ZBTB16: variants seen among roughly 807,000 people sequenced by gnomAD.
The protein encoded by ZBTB16 is zinc finger and BTB domain-containing protein 16.
In ZBTB16, 8 loss-of-function variants were observed where a neutral mutation model predicts 56.8. The ratio of observed to expected loss-of-function variants is 0.14; its 90% CI spans 0.08 to 0.25. The LOEUF (loss-of-function observed/expected upper bound fraction) is 0.25. Ranked by LOEUF, ZBTB16 falls within the 10% of genes least tolerant of loss-of-function variation. ZBTB16 has a pLI of 1.00. For missense variants in ZBTB16, 625 were observed against 903.0 expected, an observed-to-expected ratio of 0.69 and a Z score of 3.95; for synonymous variants, 363 against 368.5, an observed-to-expected ratio of 0.98 and a Z score of 0.17.
At position 114,063,014 on chromosome 11, in the gene ZBTB16, TC is replaced by T. The variant is rs2137650083; in HGVS notation, c.-90-194del. ...CAGAACCTTCTTTTTACTCTCAGCA[TC>T]CCTGGCTTGAAAGGCAGATTTGTAG... On this transcript the variant is annotated intron_variant, in intron 1 of 6. Coordinates refer to ENST00000335953, the MANE Select transcript of ZBTB16 (RefSeq NM_006006.6). This position sits in a 1 kb window ranked among gnomAD's most constrained non-coding sequence, Gnocchi z 6.5. Among the ~76,000 whole-genome samples, 1 of 152,300 alleles carries T rather than the reference TC, an allele frequency of 6.6e-6. No individual in the cohort carries two copies. Among genetic ancestry groups the T allele is most frequent in the Admixed American group, 6.5e-5 (1 of 15,286 alleles).
chr11:114,198,211 T>C (rs991989697), intron 4 of ZBTB16, among the ~76,000 whole-genome samples: 1 of 152,196 alleles, frequency 6.6e-6, no homozygotes, highest in Non-Finnish European at 1.5e-5. Context: ...CATTTCACAT[T>C]CTGTGCCAAG....
rs1342576221 is a variant in ZBTB16, at chr11:114,168,471, A to ATAT, written c.1366+12037_1366+12038insTAT. Among the ~76,000 whole-genome samples, 9 of 152,348 alleles carry ATAT rather than the reference A, an allele frequency of 5.9e-5. No homozygotes were observed. The East Asian group carries it at 1.4e-3, about 23-fold the overall frequency. On this transcript the variant is annotated intron_variant, in intron 3 of 6. Transcript: ENST00000335953. ...TATTGAAACTTGCTGTGTTCCAGGCACAGTGCTATGTGTTCTGCATATCTG... is the reference window on the plus strand; with the variant it reads ...TATTGAAACTTGCTGTGTTCCAGGCATATCAGTGCTATGTGTTCTGCATATCTG...
chr11:114,235,214 G>A (rs1944539574), intron 4 of ZBTB16, among the ~76,000 whole-genome samples: 1 of 152,112 alleles, frequency 6.6e-6, no homozygotes, highest in South Asian at 2.1e-4. Flanking sequence ...AGCCCCTCCG[G>A]GGTACATGTG....
chr11:114,124,828 C>T lies in ZBTB16; in HGVS notation c.1269-31509C>T, dbSNP rs557470638. Among the ~76,000 whole-genome samples the T allele has an allele frequency of 7.9e-5, 12 of 152,284 alleles. No homozygotes were observed. In the East Asian group the frequency reaches 1.7e-3, roughly 22 times the overall value. The stretch of plus-strand genomic sequence containing the variant: ...TCAGTTGGACGCAGGTATTGAATGA[C>T]CACTGAGTGTGGAGTGCAGCACGAG... On this transcript the variant is annotated intron_variant, in intron 2 of 6. Transcript: ENST00000335953.
At chr11:114,210,555 G>A (rs1490319020) in intron 4 of ZBTB16, 3 of 230,954 alleles carry the variant, frequency 1.3e-5, no homozygotes, top group South Asian at 1.8e-4. Context: ...AAGCGGATTA[G>A]TGTGGCCATA....
chr11:114,186,994 T>C lies in ZBTB16; in HGVS notation c.1409T>C (p.Phe470Ser). The C allele has an allele frequency of 6.2e-7, 1 of 1,614,008 alleles. No homozygotes were observed. Reference protein sequence around the residue: ...AFVCDQCGAQFSKEDALETHR... With the variant: ...AFVCDQCGAQSSKEDALETHR... Reference sequence around the variant, plus strand: ...GTCTGTGATCAGTGCGGTGCACAGTTTTCGAAGGAGGATGCCCTGGAGACA... The same window carrying C: ...GTCTGTGATCAGTGCGGTGCACAGTCTTCGAAGGAGGATGCCCTGGAGACA... Residue 470 changes from phenylalanine to serine, a missense_variant, in exon 4 of 7, where the codon TTT becomes TCT. Phe to Ser is a radical substitution (Grantham distance 155). This residue lies in a region of ZBTB16 where 140 missense variants were observed against 214.8 expected (regional missense o/e 0.65). Transcript: ENST00000335953.
intron 2 of ZBTB16, among the ~76,000 whole-genome samples, chr11:114,112,453 G>A (rs930884684): frequency 6.6e-6 from 1 of 152,196 alleles, no homozygotes; most frequent in Non-Finnish European, 1.5e-5. Context: ...GAGAGGGCAC[G>A]AAGATGAGGA....
chr11:114,201,938 T>C (rs1943746241), intron 4 of ZBTB16, among the ~76,000 whole-genome samples: 1 of 152,246 alleles, frequency 6.6e-6, no homozygotes, highest in Non-Finnish European at 1.5e-5. Context: ...TCATTCTGTG[T>C]ATGGAAGGAG....
intron 2 of ZBTB16, among the ~76,000 whole-genome samples, chr11:114,111,695 G>C (rs762218236): frequency 2.0e-5 from 3 of 152,156 alleles, no homozygotes; most frequent in Non-Finnish European, 4.4e-5. Context: ...TTTTACTTGT[G>C]ATTCTGACAC....
At chr11:114,226,683 C>T (rs551141983) in intron 4 of ZBTB16, among the ~76,000 whole-genome samples, 219 of 152,188 alleles carry the variant, frequency 1.4e-3, no homozygotes, top group African/African-American at 4.8e-3. Context: ...TTGGGAGGGA[C>T]CACGCTGCCC....
At chr11:114,124,556 C>CAAAAAAAAAAA (rs1565638067) in intron 2 of ZBTB16, among the ~76,000 whole-genome samples, 2 of 79,634 alleles carry the variant, frequency 2.5e-5, no homozygotes, top group Admixed American at 1.0e-4. Context: ...AAAAAAAAAA[C>CAAAAAAAAAAA]CAAAAAAAAA....
At chr11:114,207,590 A>AAGACAC (rs1555155512) in intron 4 of ZBTB16, among the ~76,000 whole-genome samples, 23 of 143,722 alleles carry the variant, frequency 1.6e-4, no homozygotes, top group South Asian at 1.3e-3. Context: ...ACACACACAC[A>AAGACAC]ACACACACAC....
At chr11:114,167,982 A>G (rs1942838606) in intron 3 of ZBTB16, among the ~76,000 whole-genome samples, 1 of 152,224 alleles carries the variant, frequency 6.6e-6, no homozygotes, top group Non-Finnish European at 1.5e-5. Context: ...GCAGGACAAG[A>G]GGCCGCCCTC....
At chr11:114,184,836 A>G (rs1336547410) in intron 3 of ZBTB16, among the ~76,000 whole-genome samples, 2 of 152,114 alleles carry the variant, frequency 1.3e-5, no homozygotes, top group East Asian at 3.9e-4. Context: ...TCTGGCTCGT[A>G]CGAGGCTCCA....
At chr11:114,065,462 G>T (rs1313623871) in intron 2 of ZBTB16, among the ~76,000 whole-genome samples, 1 of 152,056 alleles carries the variant, frequency 6.6e-6, no homozygotes, top group Non-Finnish European at 1.5e-5. Flanking sequence ...CCTTGCCCAG[G>T]CTGGAGTGCA....
chr11:114,152,052 T>C (rs1252494745), intron 2 of ZBTB16, among the ~76,000 whole-genome samples: 1 of 152,226 alleles, frequency 6.6e-6, no homozygotes, highest in East Asian at 1.9e-4. Flanking sequence ...GTATGGACTT[T>C]AGGAGCCACA....
At chr11:114,235,712 CTTTCT>C (rs1944568069) in intron 4 of ZBTB16, among the ~76,000 whole-genome samples, 1 of 122,918 alleles carries the variant, frequency 8.1e-6, no homozygotes, top group Non-Finnish European at 1.7e-5. Flanking sequence ...TCTTTTCTTT[CTTTCT>C]TTTTCTTTCT....
chr11:114,121,713 A>T (rs1941352343), intron 2 of ZBTB16: 2 of 425,514 alleles, frequency 4.7e-6, no homozygotes, highest in African/African-American at 4.1e-5. Flanking sequence ...ATTTGAAATC[A>T]TGACTGTCTG....
At chr11:114,084,990 T>TA (rs2137707839) in intron 2 of ZBTB16, among the ~76,000 whole-genome samples, 1 of 152,292 alleles carries the variant, frequency 6.6e-6, no homozygotes, top group East Asian at 1.9e-4. Context: ...TCCAAAAACC[T>TA]ACTGTGATGA....
Sources: allele counts gnomAD v4.1 joint callset (sites outside exome capture counted in the v4.1 genomes callset), GRCh38; gene constraint gnomAD v4.1.1; regional missense constraint gnomAD v4.1.1; non-coding constraint Gnocchi (gnomAD v3.1); transcripts MANE v1.5; gene names NCBI Gene and HGNC (gene_info 2026-07-23, HGNC 2026-07-21).